Variants in WDPCP observed in about 807,000 individuals in gnomAD.
WDPCP encodes the protein WD repeat-containing and planar cell polarity effector protein fritz homolog.
WDPCP carries 71 observed loss-of-function variants against 93.1 expected under a neutral mutation model. The observed-to-expected ratio is 0.76, with a 90% confidence interval of 0.63 to 0.93. WDPCP has a LOEUF of 0.93. Among genes scored for constraint, WDPCP ranks in the 40% least tolerant of loss-of-function variants. WDPCP has a pLI of 0.00. For missense variants in WDPCP, 844 were observed against 887.4 expected (o/e 0.95, Z 0.62); for synonymous variants, 315 against 315.0 (o/e 1.00, Z 0.00).
At chr2:63,839,087 C>T in the WDPCP span, among the ~76,000 whole-genome samples, 2 of 152,190 alleles carry the variant, frequency 1.3e-5, no homozygotes, top group East Asian at 1.9e-4. Flanking sequence ...GTTCTTGAGG[C>T]AGCAAGTGTA....
At chr2:63,293,162 A>C (rs1004902289) in intron 13 of WDPCP, among the ~76,000 whole-genome samples, 1 of 152,144 alleles carries the variant, frequency 6.6e-6, no homozygotes, top group African/African-American at 2.4e-5. Context: ...CTGTGCTCTC[A>C]TTACCCCCTT....
chr2:63,372,838 T>C (rs1324217154), intron 12 of WDPCP, among the ~76,000 whole-genome samples: 2 of 152,102 alleles, frequency 1.3e-5, no homozygotes, highest in Non-Finnish European at 2.9e-5. Flanking sequence ...ACATTACCAA[T>C]ATAGGCTGGG....
At position 63,744,894 on chromosome 2, in the gene WDPCP, C is replaced by G. The variant is rs1356464608; in HGVS notation, n.308+68728G>C. ...CTGAAATTTCATCATTAAATATATT[C>G]TTTCAGATTAAATATATACCCACTT... On this transcript the variant is annotated intron_variant and non_coding_transcript_variant, in intron 2 of 4. Transcript: ENST00000467687. 9.2e-5 allele frequency among the ~76,000 whole-genome samples: 14 copies of G among 152,066 alleles called. 1 individual carries two copies.
chr2:63,560,179 C>T (rs1302647585), intron 1 of WDPCP, among the ~76,000 whole-genome samples: 1 of 152,008 alleles, frequency 6.6e-6, no homozygotes, highest in African/African-American at 2.4e-5. Context: ...GCCAAGATCG[C>T]ACCATTTCAT....
intron 2 of WDPCP, among the ~76,000 whole-genome samples, chr2:63,694,088 G>A (rs1668928779): frequency 6.6e-6 from 1 of 152,114 alleles, no homozygotes; most frequent in Admixed American, 6.5e-5. Context: ...CTTCTCTACT[G>A]TATTTTCACA....
chr2:63,483,646 C>A (rs1700398803), intron 6 of WDPCP, among the ~76,000 whole-genome samples: 2 of 151,578 alleles, frequency 1.3e-5, no homozygotes, highest in African/African-American at 2.4e-5. Context: ...GAACCATGGG[C>A]CTAAACTACA....
intron 2 of WDPCP, among the ~76,000 whole-genome samples, chr2:63,776,754 A>G (rs1413127400): frequency 6.6e-6 from 1 of 152,088 alleles, no homozygotes; most frequent in East Asian, 1.9e-4. Flanking sequence ...TTAAAACCAC[A>G]GTGCCATGGA....
chr2:63,604,719 T>G (rs751883090), intron 3 of WDPCP: 2 of 1,614,014 alleles, frequency 1.2e-6, no homozygotes, highest in Non-Finnish European at 1.7e-6. Flanking sequence ...TTGGTGTGAC[T>G]GCTAATGATG....
At chr2:63,241,644 G>C (rs568489301) in intron 14 of WDPCP, among the ~76,000 whole-genome samples, 1 of 152,230 alleles carries the variant, frequency 6.6e-6, no homozygotes, top group East Asian at 1.9e-4. Flanking sequence ...TGTAGTCAAG[G>C]CTAGAGTATA....
chr2:63,535,135 C>A (rs571663590), intron 1 of WDPCP, among the ~76,000 whole-genome samples: 2 of 152,176 alleles, frequency 1.3e-5, no homozygotes, highest in Admixed American at 1.3e-4. Flanking sequence ...AATAAAATAC[C>A]TAGGAATCCA....
intron 17 of WDPCP, 72 bp downstream of exon 17, chr2:63,152,842 A>G (rs537755442): frequency 6.8e-7 from 1 of 1,464,300 alleles, no homozygotes; most frequent in South Asian, 1.2e-5. Context: ...TCTTGAGTTC[A>G]AAATAATCAC....
chr2:63,745,994 T>G (rs1669791615), intron 2 of WDPCP, among the ~76,000 whole-genome samples: 1 of 152,196 alleles, frequency 6.6e-6, no homozygotes, highest in Non-Finnish European at 1.5e-5. Flanking sequence ...TAATCACTAA[T>G]GAAGGTGAGC....
At chr2:63,337,603 A>G (rs1688477940) in intron 12 of WDPCP, among the ~76,000 whole-genome samples, 1 of 152,214 alleles carries the variant, frequency 6.6e-6, no homozygotes, top group Non-Finnish European at 1.5e-5. Flanking sequence ...TAGTGGCTAT[A>G]CTAATTTACA....
At chr2:63,685,705 A>G (rs1160837227) in intron 2 of WDPCP, among the ~76,000 whole-genome samples, 1 of 152,206 alleles carries the variant, frequency 6.6e-6, no homozygotes, top group East Asian at 1.9e-4. Context: ...AAAATCCTCA[A>G]GAAAATACTA....
Position 63,649,538 on chromosome 2 carries a change from G to A in WDPCP, n.488+1121C>T, listed in dbSNP as rs1017913819. ...TGTGTACAAGATTTTGTGGGAATATGTTTTCAAACACCTTGGGTATATACA... is the reference window on the plus strand; with the variant it reads ...TGTGTACAAGATTTTGTGGGAATATATTTTCAAACACCTTGGGTATATACA... On this transcript the variant is annotated intron_variant and non_coding_transcript_variant, in intron 3 of 4. Coordinates refer to the WDPCP transcript ENST00000467687. 2.6e-5 allele frequency among the ~76,000 whole-genome samples: 4 copies of A among 152,266 alleles called. No homozygotes were observed. In the East Asian group the frequency reaches 7.7e-4, roughly 29 times the overall value.
At chr2:63,338,572 ATATAT>A (rs1558490442) in intron 12 of WDPCP, among the ~76,000 whole-genome samples, 269 of 4,750 alleles carry the variant, frequency 0.057, 3 homozygotes, top group African/African-American at 0.067. Context: ...AAAAAAAAAT[ATATAT>A]ATATATATAT....
At chr2:63,632,602 C>T (rs1709875707) in intron 3 of WDPCP, among the ~76,000 whole-genome samples, 1 of 152,194 alleles carries the variant, frequency 6.6e-6, no homozygotes, top group Non-Finnish European at 1.5e-5. Flanking sequence ...AGAGCATCAA[C>T]AGCAGACTTG....
the WDPCP span, among the ~76,000 whole-genome samples, chr2:63,838,812 A>T: frequency 1.3e-5 from 2 of 151,898 alleles, no homozygotes; most frequent in Non-Finnish European, 2.9e-5. Context: ...GCCATTAAGA[A>T]CTCCACCTCT....
At chr2:63,603,689 G>A (rs764047096) in intron 3 of WDPCP, among the ~76,000 whole-genome samples, 33 of 122,012 alleles carry the variant, frequency 2.7e-4, no homozygotes, top group African/African-American at 9.7e-4. Context: ...AGACAGTCTC[G>A]CTGCATCGCC....
Sources: gnomAD v4.1 joint callset for allele counts (sites outside exome capture counted in the v4.1 genomes callset) on GRCh38, gnomAD v4.1.1 for gene constraint, MANE v1.5 for transcripts, NCBI Gene and HGNC (gene_info 2026-07-23, HGNC 2026-07-21) for gene names.